CENPP: variants seen among roughly 807,000 people sequenced by gnomAD.
CENPP encodes centromere protein P.
CENPP carries 24 observed loss-of-function variants against 35.6 expected under a neutral mutation model. The observed-to-expected ratio is 0.67, with a 90% CI of 0.49 to 0.95. The LOEUF (loss-of-function observed/expected upper bound fraction) is 0.95, where lower values mean the gene tolerates loss of function less well. CENPP is among the 40% of genes least tolerant of loss of function. The pLI is 0.00. For missense variants in CENPP, 332 were observed against 345.3 expected (o/e 0.96, Z 0.31); for synonymous variants, 120 against 125.5 (o/e 0.96, Z 0.29).
At chr9:92,474,451 A>T (rs923838352) in intron 5 of CENPP, among the ~76,000 whole-genome samples, 1 of 152,194 alleles carries the variant, frequency 6.6e-6, no homozygotes, top group African/African-American at 2.4e-5. Flanking sequence ...TCTTAATTTT[A>T]AAAATAAGTT....
chr9:92,500,329 C>G (rs1424450075), intron 5 of CENPP, among the ~76,000 whole-genome samples: 1 of 152,000 alleles, frequency 6.6e-6, no homozygotes, highest in South Asian at 2.1e-4. Context: ...ATTACAGACA[C>G]GCACCACCAC....
At chr9:92,346,521 C>G (rs1384759899) in intron 4 of CENPP, among the ~76,000 whole-genome samples, 1 of 152,134 alleles carries the variant, frequency 6.6e-6, no homozygotes, top group Non-Finnish European at 1.5e-5. Flanking sequence ...TAGGTAAGGT[C>G]CATACTACTG....
Position 92,362,929 on chromosome 9 carries a change from A to G in CENPP, c.468-16834A>G, listed in dbSNP as rs527878157. Among the ~76,000 whole-genome samples the G allele has an allele frequency of 2.2e-3, 332 of 152,246 alleles. 3 individuals are homozygous for G. In the South Asian group the frequency reaches 0.035, roughly 16 times the overall value. ...TTTCTTAATCTTATTTTGGTGCTCA[A>G]AGTGTCCCGGATTTGATCAGAGGGA... On this transcript the variant is annotated intron_variant, in intron 4 of 7. Transcript: ENST00000375587.
chr9:92,601,743 G>C (rs1362319719), intron 5 of CENPP, among the ~76,000 whole-genome samples: 1 of 152,218 alleles, frequency 6.6e-6, no homozygotes, highest in Non-Finnish European at 1.5e-5. Context: ...CAAACAAGGG[G>C]ATACACTGAG....
chr9:92,496,587 T>C, intron 5 of CENPP: 2 of 1,438,362 alleles, frequency 1.4e-6, no homozygotes, highest in East Asian at 2.5e-5. Context: ...TAAAATAAAG[T>C]TGGATCCTTA....
intron 5 of CENPP, among the ~76,000 whole-genome samples, chr9:92,382,892 C>CATTTT (rs1459666948): frequency 1.4e-5 from 1 of 69,812 alleles, no homozygotes. Context: ...CACTGTTTTC[C>CATTTT]TTTTTTTTTT....
At chr9:92,514,881 T>C in intron 5 of CENPP, 1 of 1,613,446 alleles carries the variant, frequency 6.2e-7, no homozygotes, top group Non-Finnish European at 8.5e-7. Context: ...CCTCCTCCCT[T>C]CCTTGGCGTT....
chr9:92,533,319 AAAAAAAAAAAT>A (rs1334946899), intron 5 of CENPP, among the ~76,000 whole-genome samples: 48 of 103,470 alleles, frequency 4.6e-4, no homozygotes, highest in Non-Finnish European at 7.5e-4. Flanking sequence ...AAAAAAAAAA[AAAAAAAAAAAT>A]ATATATATAT....
rs780602112 is a variant in CENPP, at chr9:92,416,720, G to A, written c.564+36861G>A. On this transcript the variant is annotated intron_variant, in intron 5 of 7. Transcript: ENST00000375587. The stretch of plus-strand genomic sequence containing the variant: ...TCCAACACTGAGTTCTACAATGTTG[G>A]GAAGATTAAAAATATTATATGGGAT... 3 of 1,613,516 alleles carry A rather than the reference G, an allele frequency of 1.9e-6. No homozygotes were observed. The South Asian group carries it at 3.3e-5, about 18-fold the overall frequency.
chr9:92,350,166 A>G (rs1431012388), intron 4 of CENPP, among the ~76,000 whole-genome samples: 6 of 152,204 alleles, frequency 3.9e-5, no homozygotes, highest in Admixed American at 3.9e-4. Context: ...TGTTCGCTTT[A>G]TACTTGAGAA....
At chr9:92,569,455 C>T (rs1850079032) in intron 5 of CENPP, among the ~76,000 whole-genome samples, 1 of 152,170 alleles carries the variant, frequency 6.6e-6, no homozygotes, top group South Asian at 2.1e-4. Context: ...TGTTTTAGTA[C>T]CAGTACCATG....
intron 5 of CENPP, among the ~76,000 whole-genome samples, chr9:92,514,169 C>T (rs1320417405): frequency 6.8e-6 from 1 of 148,122 alleles, no homozygotes; most frequent in Non-Finnish European, 1.5e-5. Flanking sequence ...GCTCTGTTGC[C>T]TAGACTAGTC....
chr9:92,539,465 T>G (rs1849267322), intron 5 of CENPP, among the ~76,000 whole-genome samples: 1 of 151,534 alleles, frequency 6.6e-6, no homozygotes, highest in East Asian at 1.9e-4. Context: ...TAGTAAGGGC[T>G]CAGCTTAATT....
At chr9:92,492,437 A>C (rs1321061682) in intron 5 of CENPP, among the ~76,000 whole-genome samples, 1 of 152,202 alleles carries the variant, frequency 6.6e-6, no homozygotes, top group Non-Finnish European at 1.5e-5. Context: ...GACACTGTGC[A>C]TATTTCAACT....
intron 5 of CENPP, among the ~76,000 whole-genome samples, chr9:92,567,126 A>G (rs1028689802): frequency 1.3e-5 from 2 of 152,128 alleles, no homozygotes; most frequent in African/African-American, 4.8e-5. Flanking sequence ...TTACCACTAC[A>G]TCTGTCCTGC....
At position 92,613,211 on chromosome 9, in the gene CENPP, A is replaced by G. The variant is rs1462455624; in HGVS notation, c.*62A>G. ...GTGGAGGAACATGCAATTTTATTCAATATAAACATTTGCTATTTTCTGCTT... is the reference window on the plus strand; with the variant it reads ...GTGGAGGAACATGCAATTTTATTCAGTATAAACATTTGCTATTTTCTGCTT... On this transcript the variant is annotated 3_prime_UTR_variant, in exon 8 of 8. Transcript: ENST00000375587. 5 of 1,601,524 alleles carry G rather than the reference A, an allele frequency of 3.1e-6. No individual in the cohort carries two copies. The highest frequency in any genetic ancestry group is 1.1e-5 in the South Asian group (1 of 90,572).
At chr9:92,494,501 C>G (rs924356097) in intron 5 of CENPP, among the ~76,000 whole-genome samples, 1 of 152,146 alleles carries the variant, frequency 6.6e-6, no homozygotes, top group Non-Finnish European at 1.5e-5. Context: ...TCCTAACAAC[C>G]TGCTATAAGT....
chr9:92,599,287 A>C (rs930694908), intron 5 of CENPP, among the ~76,000 whole-genome samples: 1 of 152,186 alleles, frequency 6.6e-6, no homozygotes, highest in African/African-American at 2.4e-5. Flanking sequence ...AAAAAAGTCC[A>C]TCTTAGGCTT....
rs949475159 is a variant in CENPP at position 92,344,925 on chromosome 9, T to G, written c.379-774T>G. ...GGCTCCCGCCTGTAATCCCAGCACT[T>G]CAGGAGGCAGAGACGGGGGGATCAG... On this transcript the variant is annotated intron_variant, in intron 3 of 7. Transcript: ENST00000375587. 1.9e-4 allele frequency among the ~76,000 whole-genome samples: 28 copies of G among 149,008 alleles called. No homozygotes were observed. The East Asian group carries it at 2.3e-3, about 12-fold the overall frequency.
Sources: allele counts gnomAD v4.1 joint callset (sites outside exome capture counted in the v4.1 genomes callset), GRCh38; gene constraint gnomAD v4.1.1; transcripts MANE v1.5; gene names NCBI Gene and HGNC (gene_info 2026-07-23, HGNC 2026-07-21).